Variants in UGT2B17 observed in about 807,000 individuals in gnomAD.
UGT2B17 encodes UDP-glucuronosyltransferase 2B17.
UGT2B17 carries 21 observed loss-of-function variants against 48.2 expected under a neutral mutation model. The ratio of observed to expected loss-of-function variants is 0.44; its 90% CI spans 0.31 to 0.63. The LOEUF is 0.63. Ranked by LOEUF, UGT2B17 falls within the 20% of genes least tolerant of loss-of-function variation. The pLI is 0.08. For missense variants in UGT2B17, 402 were observed against 696.1 expected (o/e 0.58, Z 4.75); for synonymous variants, 146 against 238.4 (o/e 0.61, Z 3.57).
intron 1 of UGT2B17, among the ~76,000 whole-genome samples, chr4:68,573,408 G>T (rs1731325452): frequency 8.1e-6 from 1 of 123,914 alleles, no homozygotes; most frequent in Admixed American, 8.2e-5. Flanking sequence ...GCTCTTTGCT[G>T]TTGGTTGTAA....
intron 4 of UGT2B17, among the ~76,000 whole-genome samples, chr4:68,555,679 A>G (rs1410263768): frequency 1.6e-5 from 2 of 125,570 alleles, no homozygotes; most frequent in Admixed American, 1.6e-4. Context: ...TGGGATAAAT[A>G]CTTATAGACA....
rs1182011820 is a variant in UGT2B17 at position 68,564,294 on chromosome 4, A to ATTTTT, written c.873+1273_873+1277dup. On this transcript the variant is annotated intron_variant, in intron 3 of 6. Coordinates refer to ENST00000317746, the MANE Select transcript of UGT2B17 (RefSeq NM_001077.4). ...ATTTCATATATATATATATATATATATTTTTTTTTTTTGAGACAGAGTCTC... is the reference window on the plus strand; with the variant it reads ...ATTTCATATATATATATATATATATATTTTTTTTTTTTTTTTTGAGACAGAGTCTC... Among the ~76,000 whole-genome samples the ATTTTT allele has an allele frequency of 3.0e-3, 228 of 75,752 alleles. 29 individuals are homozygous for ATTTTT. Among genetic ancestry groups the ATTTTT allele is most frequent in the African/African-American group, 0.011 (210 of 19,698 alleles). The allele number at this position is 75,752 out of a possible 152,430, so 49.7% of individuals were successfully genotyped here.
chr4:68,559,687 G>A lies in UGT2B17; in HGVS notation c.1005+850C>T, dbSNP rs1205725329. Among the ~76,000 whole-genome samples the A allele has an allele frequency of 5.6e-5, 7 of 125,998 alleles. 2 individuals carry two copies. The highest frequency in any genetic ancestry group is 1.2e-4 in the Non-Finnish European group (7 of 59,630). The allele number at this position is 125,998 out of a possible 152,430, so 82.7% of individuals were successfully genotyped here. ...AAAACGTAAATTGAAAATACACAAA[G>A]ATTGTAGGTATATTCTATAGATTAG... On this transcript the variant is annotated intron_variant, in intron 4 of 6. Coordinates refer to ENST00000317746, the MANE Select transcript of UGT2B17 (RefSeq NM_001077.4).
At chr4:68,558,497 C>T (rs1274662759) in intron 4 of UGT2B17, among the ~76,000 whole-genome samples, 1 of 126,292 alleles carries the variant, frequency 7.9e-6, no homozygotes, top group Non-Finnish European at 1.7e-5. Context: ...CACTTTCATA[C>T]CTGCCTACTG....
At position 68,537,395 on chromosome 4, in the gene UGT2B17, C is replaced by A. The variant is rs1346482829; in HGVS notation, c.*230G>T. 3 of 314,786 alleles carry A rather than the reference C, an allele frequency of 9.5e-6. No homozygotes were observed. The highest frequency in any genetic ancestry group is 1.5e-5 in the Non-Finnish European group (3 of 205,394). The allele number at this position is 314,786 out of a possible 1,614,324, so 19.5% of individuals were successfully genotyped here. ...TTAGAATAATAAATTTCAATATAAGCCCATAAGGTTTTATATTATTATTTT... is the reference window on the plus strand; with the variant it reads ...TTAGAATAATAAATTTCAATATAAGACCATAAGGTTTTATATTATTATTTT... On this transcript the variant is annotated 3_prime_UTR_variant, in exon 7 of 7. Coordinates refer to ENST00000317746, the MANE Select transcript of UGT2B17 (RefSeq NM_001077.4).
At chr4:68,549,346 T>A (rs1023111731) in intron 6 of UGT2B17, among the ~76,000 whole-genome samples, 42 of 99,712 alleles carry the variant, frequency 4.2e-4, no homozygotes, top group South Asian at 1.5e-3. Context: ...CTCCAAAAAG[T>A]AAAAAAAAAA....
intron 2 of UGT2B17, 43 bp downstream of exon 2, chr4:68,567,718 G>A (rs1731224524): frequency 1.6e-6 from 2 of 1,234,062 alleles, no homozygotes; most frequent in Non-Finnish European, 2.1e-6. Context: ...AAAGGCACAG[G>A]AAAATTAGAA....
Position 68,550,941 on chromosome 4 carries a change from A to G in UGT2B17, c.1094-45T>C, listed in dbSNP as rs780865385. 7.7e-6 allele frequency: 10 copies of G among 1,303,006 alleles called. 4 individuals are homozygous for G. In the South Asian group the frequency reaches 9.3e-5, roughly 12 times the overall value. The allele number at this position is 1,303,006 out of a possible 1,614,324, so 80.7% of individuals were successfully genotyped here. The stretch of plus-strand genomic sequence containing the variant: ...AACAAAGTTATTAATTATAAGGCAC[A>G]GGAATTGAATAAGAAATGCACAATA... On this transcript the variant is annotated intron_variant, in intron 5 of 6. Coordinates refer to ENST00000317746, the MANE Select transcript of UGT2B17 (RefSeq NM_001077.4).
chr4:68,557,757 G>C (rs1310843864), intron 4 of UGT2B17, among the ~76,000 whole-genome samples: 1 of 126,130 alleles, frequency 7.9e-6, no homozygotes, highest in Non-Finnish European at 1.7e-5. Context: ...TGGAGAAACT[G>C]GTTATTTTAT....
Position 68,547,407 on chromosome 4 carries a change from C to A in UGT2B17, c.1313+3270G>T, listed in dbSNP as rs1297658821. ...CTGAAACTGGATACCTTCCTTACAC[C>A]TTATACAAAAATTAATTGAAGATGG... On this transcript the variant is annotated intron_variant, in intron 6 of 6. Coordinates refer to ENST00000317746, the MANE Select transcript of UGT2B17 (RefSeq NM_001077.4). 2.4e-5 allele frequency among the ~76,000 whole-genome samples: 3 copies of A among 126,238 alleles called. 1 individual carries two copies. Among genetic ancestry groups the A allele is most frequent in the Non-Finnish European group, 3.4e-5 (2 of 59,624 alleles). 82.8% of individuals were successfully genotyped at this position (126,238 alleles called of 152,430 possible).
Position 68,565,886 on chromosome 4 carries a change from T to A in UGT2B17, c.725-166A>T, listed in dbSNP as rs1731190163. 1.7e-5 allele frequency among the ~76,000 whole-genome samples: 2 copies of A among 119,138 alleles called. 1 individual carries two copies. Among genetic ancestry groups the A allele is most frequent in the South Asian group, 7.3e-4 (2 of 2,734 alleles). 78.2% of individuals were successfully genotyped at this position (119,138 alleles called of 152,430 possible). ...ATATAAATACATTTATATAATATAA[T>A]ACATTATATTAAATACATTATATTA... On this transcript the variant is annotated intron_variant, in intron 2 of 6. Transcript: ENST00000317746.
At chr4:68,556,129 T>C (rs1730995961) in intron 4 of UGT2B17, among the ~76,000 whole-genome samples, 1 of 123,734 alleles carries the variant, frequency 8.1e-6, no homozygotes, top group African/African-American at 2.7e-5. Flanking sequence ...TATGATCAAG[T>C]TGTCTATAAT....
At position 68,573,844 on chromosome 4, in the gene UGT2B17, G is replaced by A. The variant is rs569991060; in HGVS notation, c.-65+2107C>T. ...AGGAATGCTAAGTTTCCTCCCTGCC[G>A]TGAGAGACAGGAAGTGAACTTAGTG... On this transcript the variant is annotated intron_variant, in intron 1 of 6. Transcript: ENST00000317746. Among the ~76,000 whole-genome samples the A allele has an allele frequency of 4.2e-4, 53 of 127,032 alleles. 11 individuals carry two copies. Among genetic ancestry groups the A allele is most frequent in the Admixed American group, 8.8e-4 (11 of 12,476 alleles). 83.3% of individuals were successfully genotyped at this position (127,032 alleles called of 152,430 possible).
chr4:68,539,090 A>T lies in UGT2B17; in HGVS notation c.1314-1186T>A, dbSNP rs184621926. On this transcript the variant is annotated intron_variant, in intron 6 of 6. Transcript: ENST00000317746. ...TTAAAATATGTTATATATCTTCCACAATAAAAGTTTAAGTATGAAATACAT... is the reference window on the plus strand; with the variant it reads ...TTAAAATATGTTATATATCTTCCACTATAAAAGTTTAAGTATGAAATACAT... Among the ~76,000 whole-genome samples the T allele has an allele frequency of 1.6e-5, 2 of 126,464 alleles. 1 individual carries two copies. Among genetic ancestry groups the T allele is most frequent in the East Asian group, 1.5e-3 (2 of 1,352 alleles). 83.0% of individuals were successfully genotyped at this position (126,464 alleles called of 152,430 possible).
intron 4 of UGT2B17, among the ~76,000 whole-genome samples, chr4:68,556,388 T>G (rs74588414): frequency 1.6e-5 from 2 of 124,686 alleles, no homozygotes; most frequent in Non-Finnish European, 3.4e-5. Context: ...CTCATGTAAG[T>G]TTTTTCCTCA....
chr4:68,559,080 T>C (rs1478517040), intron 4 of UGT2B17, among the ~76,000 whole-genome samples: 1 of 125,742 alleles, frequency 8.0e-6, no homozygotes, highest in Non-Finnish European at 1.7e-5. Context: ...TATATATTTA[T>C]TTTATATACT....
rs377584596 is a variant in UGT2B17, at chr4:68,546,915, G to T, written c.1313+3762C>A. On this transcript the variant is annotated intron_variant, in intron 6 of 6. Transcript: ENST00000317746. ...AGGAGAACTACAAACCACTGCTCAA[G>T]GAAATAAAAGAGGAAACAAACCAAT... Among the ~76,000 whole-genome samples, 17 of 124,834 alleles carry T rather than the reference G, an allele frequency of 1.4e-4. 4 individuals are homozygous for T. The highest frequency in any genetic ancestry group is 4.6e-4 in the African/African-American group (17 of 36,652). 81.9% of individuals were successfully genotyped at this position (124,834 alleles called of 152,430 possible).
chr4:68,564,288 A>ATTTTT (rs1387074234), intron 3 of UGT2B17, among the ~76,000 whole-genome samples: 4 of 87,414 alleles, frequency 4.6e-5, no homozygotes, highest in African/African-American at 2.0e-4. Flanking sequence ...ATATATATAT[A>ATTTTT]TATATATTTT....
chr4:68,542,205 G>T (rs577055504), intron 6 of UGT2B17, among the ~76,000 whole-genome samples: 1 of 126,090 alleles, frequency 7.9e-6, no homozygotes, highest in African/African-American at 2.7e-5. Context: ...TTTCTGAGGC[G>T]TATGTTCTGT....
Sources: gnomAD v4.1 joint callset for allele counts (sites outside exome capture counted in the v4.1 genomes callset) on GRCh38, gnomAD v4.1.1 for gene constraint, MANE v1.5 for transcripts, NCBI Gene and HGNC (gene_info 2026-07-23, HGNC 2026-07-21) for gene names.